Variants in AFF1 observed in about 807,000 individuals in gnomAD.
The protein encoded by AFF1 is AF4/FMR2 family member 1.
Under a neutral mutation model 121.7 loss-of-function variants are expected in AFF1, and 48 were observed. That is an observed-to-expected ratio of 0.39 (90% CI 0.31 to 0.50). The LOEUF (loss-of-function observed/expected upper bound fraction) is 0.50, where lower values mean the gene tolerates loss of function less well. Ranked by LOEUF, AFF1 falls within the 20% of genes least tolerant of loss-of-function variation. The probability of loss-of-function intolerance (pLI) is 0.76; values close to 1 mark genes in which losing one functional copy is unlikely to be tolerated. For synonymous variants in AFF1, 613 were observed against 563.0 expected (o/e 1.09, Z -1.26); for missense variants, 1,523 against 1,511.7 (o/e 1.01, Z -0.12).
At chr4:86,978,342 C>T (rs1365539204) in intron 2 of AFF1, among the ~76,000 whole-genome samples, 4 of 151,284 alleles carry the variant, frequency 2.6e-5, no homozygotes, top group Non-Finnish European at 5.9e-5. Flanking sequence ...TGCCACCATG[C>T]CCAGCTGATT....
intron 2 of AFF1, among the ~76,000 whole-genome samples, chr4:86,982,989 T>C (rs1275814436): frequency 6.6e-6 from 1 of 152,108 alleles, no homozygotes; most frequent in Admixed American, 6.6e-5. Flanking sequence ...GCTCTTGGAC[T>C]TCCCAGCTCC....
chr4:87,094,261 A>C (rs113874182), intron 7 of AFF1, among the ~76,000 whole-genome samples: 24 of 152,226 alleles, frequency 1.6e-4, no homozygotes, highest in African/African-American at 5.3e-4. Context: ...TTACCAAGAG[A>C]GCAACCATTC....
intron 2 of AFF1, among the ~76,000 whole-genome samples, chr4:86,952,508 A>C (rs887979559): frequency 2.0e-5 from 3 of 152,172 alleles, no homozygotes; most frequent in African/African-American, 7.2e-5. Flanking sequence ...TTTAGCTTAA[A>C]ACCTAAATGA....
chr4:87,107,149 T>G (rs566914478), intron 10 of AFF1, among the ~76,000 whole-genome samples: 1 of 152,364 alleles, frequency 6.6e-6, no homozygotes, highest in South Asian at 2.1e-4. Context: ...TATATAGTGG[T>G]ATCGTGTGTG....
chr4:87,061,780 A>G lies in AFF1; in HGVS notation c.1059+14186A>G, dbSNP rs1720813105. 2.0e-5 allele frequency among the ~76,000 whole-genome samples: 3 copies of G among 152,296 alleles called. No homozygotes were observed. In the South Asian group the frequency reaches 6.2e-4, roughly 32 times the overall value. On this transcript the variant is annotated intron_variant, in intron 4 of 20. Transcript: ENST00000395146. ...TTATTCCTCACTTTGAGCAGACCCA[A>G]GACATGAGAATCCAGACATGCAAAA...
chr4:87,061,213 C>T (rs1720753843), intron 4 of AFF1, among the ~76,000 whole-genome samples: 4 of 152,156 alleles, frequency 2.6e-5, no homozygotes, highest in South Asian at 2.1e-4. Flanking sequence ...TATGCCCATC[C>T]GCTAAAGTAT....
intron 2 of AFF1, among the ~76,000 whole-genome samples, chr4:87,034,659 A>G (rs527482091): frequency 6.6e-6 from 1 of 152,268 alleles, no homozygotes; most frequent in Non-Finnish European, 1.5e-5. Flanking sequence ...AAACTGAAGA[A>G]TAAAACATGT....
intron 1 of AFF1, among the ~76,000 whole-genome samples, chr4:86,944,436 A>G (rs1214786882): frequency 2.0e-5 from 3 of 150,834 alleles, no homozygotes; most frequent in African/African-American, 4.9e-5. Flanking sequence ...GCGCGATCTC[A>G]GCTCACTGCA....
intron 4 of AFF1, among the ~76,000 whole-genome samples, chr4:87,067,978 T>G (rs1439452776): frequency 6.6e-6 from 1 of 152,218 alleles, no homozygotes. Flanking sequence ...GTTTTATTTC[T>G]CATATAGTTT....
intron 1 of AFF1, among the ~76,000 whole-genome samples, chr4:86,943,502 C>T (rs1176605614): frequency 6.6e-6 from 1 of 152,200 alleles, no homozygotes; most frequent in Non-Finnish European, 1.5e-5. Flanking sequence ...TAATTTTTCT[C>T]ATATTCTCCT....
At chr4:87,127,187 G>C in intron 15 of AFF1, 70 bp downstream of exon 15, 4 of 1,260,742 alleles carry the variant, frequency 3.2e-6, no homozygotes, top group Non-Finnish European at 4.5e-6. Context: ...CCAAGATAGA[G>C]TCTCACTCTG....
At chr4:87,089,870 G>T in intron 5 of AFF1, 114 bp from the exon 6 acceptor site, 49 of 633,900 alleles carry the variant, frequency 7.7e-5, no homozygotes, top group Non-Finnish European at 9.7e-5. Flanking sequence ...TAACTTTTAA[G>T]ATTGTACTTG....
chr4:87,091,632 CTG>C (rs1225262691), intron 6 of AFF1, among the ~76,000 whole-genome samples, 159 bp from the exon 7 acceptor site: 1 of 152,134 alleles, frequency 6.6e-6, no homozygotes, highest in African/African-American at 2.4e-5. Context: ...ATTATAGAAT[CTG>C]TGATGGGTAG....
At chr4:87,119,693 G>A (rs1445873232) in intron 12 of AFF1, among the ~76,000 whole-genome samples, 1 of 152,226 alleles carries the variant, frequency 6.6e-6, no homozygotes, top group East Asian at 1.9e-4. Flanking sequence ...CCTTTCAAAT[G>A]AAGGATAGTC....
rs1164620673 is a variant in AFF1 at position 87,135,640 on chromosome 4, A to G, written c.3596A>G (p.Asp1199Gly). 2 of 1,612,802 alleles carry G rather than the reference A, an allele frequency of 1.2e-6. No homozygotes were observed. Among genetic ancestry groups the G allele is most frequent in the East Asian group, 2.2e-5 (1 of 44,862 alleles). The change falls in exon 21 of 21, where the codon GAC becomes GGC. Residue 1199 changes from aspartate to glycine, a missense_variant. Asp to Gly is a moderately conservative substitution (Grantham distance 94, BLOSUM62 -1). Coordinates refer to ENST00000395146, the MANE Select transcript of AFF1 (RefSeq NM_001166693.3). Reference protein sequence around the residue: ...CTLALNSSLVDLVHYTRQGFQ... With the variant: ...CTLALNSSLVGLVHYTRQGFQ... Reference sequence around the variant, plus strand: ...TTGGCCCTCAACAGCAGTTTGGTGGACCTGGTGCACTATACACGACAGGGT... The same window carrying G: ...TTGGCCCTCAACAGCAGTTTGGTGGGCCTGGTGCACTATACACGACAGGGT...
In AFF1 at chr4:87,134,523, G is replaced by C; in HGVS notation, c.3364G>C (p.Val1122Leu). The change falls in exon 20 of 21, where the codon GTA becomes CTA. Residue 1122 changes from valine to leucine, a missense_variant. By Grantham distance (32) the Val-to-Leu change is conservative (BLOSUM62 1). This residue lies in a region of AFF1 where 241 missense variants were observed against 265.2 expected (regional missense o/e 0.91). Coordinates refer to ENST00000395146, the MANE Select transcript of AFF1 (RefSeq NM_001166693.3). ...LSPMPSPASS[V>L]GSQSSAGSVG... The stretch of plus-strand genomic sequence containing the variant: ...CCCAATGCCTTCTCCTGCCAGCTCC[G>C]TAGGGTCCCAGTCAAGTGCTGGCAG... 6.2e-7 allele frequency: 1 copy of C among 1,613,486 alleles called. No individual in the cohort carries two copies. Among genetic ancestry groups the C allele is most frequent in the Non-Finnish European group, 8.5e-7 (1 of 1,179,774 alleles).
intron 4 of AFF1, among the ~76,000 whole-genome samples, chr4:87,055,962 C>G (rs1319401805): frequency 6.6e-6 from 1 of 152,162 alleles, no homozygotes. Context: ...TTGTTCCTTT[C>G]TTTAATTGTT....
At chr4:87,034,474 C>T (rs1729366947) in intron 2 of AFF1, among the ~76,000 whole-genome samples, 3 of 152,200 alleles carry the variant, frequency 2.0e-5, no homozygotes, top group Admixed American at 6.5e-5. Flanking sequence ...TTTATAGCAG[C>T]ATGGAGAGAT....
intron 17 of AFF1, among the ~76,000 whole-genome samples, 170 bp from the exon 18 acceptor site, chr4:87,131,623 T>A (rs1728838328): frequency 6.6e-6 from 1 of 152,230 alleles, no homozygotes; most frequent in Non-Finnish European, 1.5e-5. Flanking sequence ...CACCTAGTTT[T>A]CTCAATGGCC....
Sources: gnomAD v4.1 joint callset for allele counts (sites outside exome capture counted in the v4.1 genomes callset) on GRCh38, gnomAD v4.1.1 for gene constraint, gnomAD v4.1.1 regional missense constraint, MANE v1.5 for transcripts, NCBI Gene and HGNC (gene_info 2026-07-23, HGNC 2026-07-21) for gene names.